PI4KB: variants seen among roughly 807,000 people sequenced by gnomAD.
The protein encoded by PI4KB is phosphatidylinositol 4-kinase beta, also known as PtdIns 4-kinase beta.
In PI4KB, 23 loss-of-function variants were observed where a neutral mutation model predicts 81.4. The observed-to-expected ratio is 0.28, with a 90% CI of 0.20 to 0.40. The LOEUF (loss-of-function observed/expected upper bound fraction) is 0.40. PI4KB is among the 10% of genes least tolerant of loss of function. The pLI is 1.00. For synonymous variants in PI4KB, 381 were observed against 406.8 expected, an observed-to-expected ratio of 0.94 and a Z score of 0.76; for missense variants, 651 against 1,036.6, an observed-to-expected ratio of 0.63 and a Z score of 5.11.
At chr1:151,325,285 G>A (rs1043374948) in intron 1 of PI4KB, among the ~76,000 whole-genome samples, 6 of 152,052 alleles carry the variant, frequency 3.9e-5, no homozygotes, top group Admixed American at 1.3e-4. Flanking sequence ...GAGCCACCGC[G>A]CCTGGCAGGA....
intron 4 of PI4KB, 148 bp from the exon 5 acceptor site, chr1:151,306,511 G>A: frequency 1.6e-6 from 1 of 619,536 alleles, no homozygotes; most frequent in South Asian, 1.9e-5. Context: ...ACTATATTTA[G>A]GGCAGATACT....
intron 8 of PI4KB, among the ~76,000 whole-genome samples, chr1:151,301,388 G>GT (rs1205290329): frequency 1.3e-5 from 2 of 151,614 alleles, no homozygotes; most frequent in Non-Finnish European, 2.9e-5. Flanking sequence ...GCTAATTTTT[G>GT]TATTTTTATT....
chr1:151,319,911 C>T (rs770413915), intron 1 of PI4KB, among the ~76,000 whole-genome samples: 4 of 152,198 alleles, frequency 2.6e-5, no homozygotes, highest in Non-Finnish European at 5.9e-5. Flanking sequence ...CCCGGTGACC[C>T]TGGATGCATA....
intron 8 of PI4KB, 94 bp from the exon 9 acceptor site, chr1:151,299,167 G>C (rs1454667200): frequency 1.6e-5 from 18 of 1,151,184 alleles, no homozygotes; most frequent in Non-Finnish European, 2.3e-5. Context: ...TCTCTCCTTG[G>C]TAGCATTGAA....
chr1:151,304,380 G>C (rs1360272387), intron 5 of PI4KB, among the ~76,000 whole-genome samples: 1 of 130,570 alleles, frequency 7.7e-6, no homozygotes, highest in Non-Finnish European at 1.6e-5. Flanking sequence ...TTTCGCTCTT[G>C]TTGCCCACGC....
intron 1 of PI4KB, 55 bp downstream of exon 1, chr1:151,327,216 A>AGGGGGGGCCCCCCCCCC: frequency 1.9e-5 from 2 of 104,016 alleles, no homozygotes; most frequent in Non-Finnish European, 3.7e-5. Flanking sequence ...TGGGAGAGGG[A>AGGGGGGGCCCCCCCCCC]CCCCCCCCCC....
chr1:151,302,364 C>T, intron 6 of PI4KB, 66 bp from the exon 7 acceptor site: 2 of 1,053,950 alleles, frequency 1.9e-6, no homozygotes, highest in East Asian at 2.4e-5. Flanking sequence ...CCAGTCTATA[C>T]TGACATTTCC....
chr1:151,305,074 C>T (rs1695649020), intron 5 of PI4KB, among the ~76,000 whole-genome samples: 1 of 152,156 alleles, frequency 6.6e-6, no homozygotes. Flanking sequence ...AGGTGATCTG[C>T]TCGCCCTGTC....
At chr1:151,298,610 T>C in intron 9 of PI4KB, 198 bp downstream of exon 9, 1 of 654,552 alleles carries the variant, frequency 1.5e-6, no homozygotes, top group Non-Finnish European at 2.7e-6. Flanking sequence ...CCTTCATTTC[T>C]TTGCCCTTTT....
chr1:151,322,585 A>G (rs5022636), intron 1 of PI4KB, among the ~76,000 whole-genome samples: 95,812 of 151,884 alleles, frequency 0.63, 30,447 homozygotes, highest in Middle Eastern at 0.68. Flanking sequence ...ATTGGTTTGC[A>G]CCAATTCTGA....
In PI4KB at chr1:151,311,499, C is replaced by A. The variant is rs587643740; in HGVS notation, c.910-1244G>T. Among the ~76,000 whole-genome samples, 14 of 152,306 alleles carry A rather than the reference C, an allele frequency of 9.2e-5. No homozygotes were observed. In the East Asian group the frequency reaches 2.7e-3, roughly 29 times the overall value. On this transcript the variant is annotated intron_variant, in intron 2 of 11. Coordinates refer to ENST00000368873, the MANE Select transcript of PI4KB (RefSeq NM_001369623.2). ...GGGAGAAGCCACATTTGGAAACATGCCCCTAAGGCAACAACTCTTCCATTT... is the reference window on the plus strand; with the variant it reads ...GGGAGAAGCCACATTTGGAAACATGACCCTAAGGCAACAACTCTTCCATTT...
At chr1:151,305,691 T>C (rs1695700897) in intron 5 of PI4KB, among the ~76,000 whole-genome samples, 2 of 152,222 alleles carry the variant, frequency 1.3e-5, no homozygotes, top group South Asian at 4.1e-4. Flanking sequence ...GGCCTTGTTC[T>C]CTTTCCAGTT....
At chr1:151,313,053 C>CGGGA (rs761834759) in intron 2 of PI4KB, among the ~76,000 whole-genome samples, 1 of 150,140 alleles carries the variant, frequency 6.7e-6, no homozygotes, top group Non-Finnish European at 1.5e-5. Context: ...GACGGGTGGG[C>CGGGA]GGAAGGAAGG....
Position 151,315,557 on chromosome 1 carries a change from C to T in PI4KB, c.909+16G>A, listed in dbSNP as rs200214614. 1.4e-4 allele frequency: 220 copies of T among 1,594,520 alleles called. 1 individual carries two copies. The East Asian group carries it at 4.9e-3, about 35-fold the overall frequency. On this transcript the variant is annotated intron_variant, in intron 2 of 11. Transcript: ENST00000368873. ...CCTCTACCACCTTTTGTCTCTGGCC[C>T]TCCCCAGAATTTTACCTCATCCTCA...
chr1:151,306,014 A>G lies in PI4KB; in HGVS notation c.1410+122T>C, dbSNP rs186878082. On this transcript the variant is annotated intron_variant, in intron 5 of 11. Transcript: ENST00000368873. ...TTCCCCATATTACCCCTCACTACCT[A>G]CACCACTCATTAGGATACTTGCCTT... 3.0e-4 allele frequency: 209 copies of G among 702,880 alleles called. No individual in the cohort carries two copies. The African/African-American group carries it at 3.4e-3, about 12-fold the overall frequency. The allele number at this position is 702,880 out of a possible 1,614,324, so 43.5% of individuals were successfully genotyped here.
rs141241084 is a variant in PI4KB at position 151,292,987 on chromosome 1, G to C, written c.2316C>G (p.Leu772=). 1.0e-4 allele frequency: 169 copies of C among 1,614,164 alleles called. No homozygotes were observed. The highest frequency in any genetic ancestry group is 1.3e-4 in the East Asian group (6 of 44,872). ...CFHGSSTIRN[L]KERFHMSMTE... is the part of the protein sequence containing the mutation. Reference sequence around the variant, plus strand: ...TCATGCTCATGTGGAACCTCTCTTTGAGGTTTCGAATGGTGCTGGAGCCAT... The same window carrying C: ...TCATGCTCATGTGGAACCTCTCTTTCAGGTTTCGAATGGTGCTGGAGCCAT... The change falls in exon 12 of 12, where the codon CTC becomes CTG. Residue 772 remains leucine, a synonymous_variant. Coordinates refer to ENST00000368873, the MANE Select transcript of PI4KB (RefSeq NM_001369623.2).
intron 9 of PI4KB, 62 bp from the exon 10 acceptor site, chr1:151,294,603 T>G: frequency 6.5e-7 from 1 of 1,532,162 alleles, no homozygotes; most frequent in Non-Finnish European, 9.0e-7. Context: ...GCTGGAACCT[T>G]AAGCAGCAAT....
At chr1:151,316,814 TTTGTTGTTGTTG>T (rs5777768) in intron 1 of PI4KB, among the ~76,000 whole-genome samples, 6 of 151,880 alleles carry the variant, frequency 4.0e-5, no homozygotes, top group Non-Finnish European at 8.8e-5. Context: ...ACAAATTCTT[TTTGTTGTTGTTG>T]TTGTTGTTGT....
chr1:151,312,705 A>T (rs1391914739), intron 2 of PI4KB, among the ~76,000 whole-genome samples: 1 of 152,242 alleles, frequency 6.6e-6, no homozygotes. Flanking sequence ...AAAAGCCTTG[A>T]CAGACGCATC....
Sources: gnomAD v4.1 joint callset for allele counts (sites outside exome capture counted in the v4.1 genomes callset) on GRCh38, gnomAD v4.1.1 for gene constraint, MANE v1.5 for transcripts, NCBI Gene and HGNC (gene_info 2026-07-23, HGNC 2026-07-21) for gene names.